The following DHX35 variants were observed in gnomAD, a reference collection of about 807,000 sequenced individuals.
DHX35 encodes the protein DEAH-box helicase 35, also known as probable ATP-dependent RNA helicase DHX35.
Under a neutral mutation model 99.6 loss-of-function variants are expected in DHX35, and 84 were observed. The ratio of observed to expected loss-of-function variants is 0.84; its 90% confidence interval spans 0.71 to 1.01. The LOEUF is 1.01. Ranked by LOEUF, DHX35 falls within the 50% of genes least tolerant of loss-of-function variation. The pLI is 0.00. For synonymous variants in DHX35, 331 were observed against 316.2 expected, an observed-to-expected ratio of 1.05 and a Z score of -0.50; for missense variants, 852 against 888.5, an observed-to-expected ratio of 0.96 and a Z score of 0.52.
chr20:39,027,078 C>A (rs148758671), intron 18 of DHX35, among the ~76,000 whole-genome samples: 1 of 152,186 alleles, frequency 6.6e-6, no homozygotes, highest in East Asian at 1.9e-4. Flanking sequence ...CTCCCCTCCC[C>A]CTGCCTCCAA....
intron 18 of DHX35, among the ~76,000 whole-genome samples, chr20:39,026,407 G>A (rs910820016): frequency 2.0e-5 from 3 of 152,134 alleles, no homozygotes; most frequent in Admixed American, 6.5e-5. Context: ...AAACAATGAC[G>A]GAGTCTTGGC....
At chr20:38,976,746 T>G (rs1194126150) in intron 3 of DHX35, among the ~76,000 whole-genome samples, 1 of 152,140 alleles carries the variant, frequency 6.6e-6, no homozygotes, top group African/African-American at 2.4e-5. Flanking sequence ...TTATTCTCCC[T>G]ACTCCCTGTT....
chr20:38,973,946 T>C (rs1368704099), intron 3 of DHX35, among the ~76,000 whole-genome samples: 1 of 152,258 alleles, frequency 6.6e-6, no homozygotes, highest in East Asian at 1.9e-4. Context: ...TTATTTTTCC[T>C]GTTGTTACTG....
chr20:39,030,796 A>G (rs1408204696), intron 20 of DHX35, 21 bp downstream of exon 20: 2 of 1,613,112 alleles, frequency 1.2e-6, no homozygotes, highest in Non-Finnish European at 1.7e-6. Flanking sequence ...CCTGCTGCTT[A>G]GCCTGTGCCT....
intron 1 of DHX35, among the ~76,000 whole-genome samples, chr20:38,965,554 C>T (rs2085898120): frequency 6.6e-6 from 1 of 151,960 alleles, no homozygotes; most frequent in Non-Finnish European, 1.5e-5. Context: ...CTTACATATG[C>T]TTTCTAAAAT....
At chr20:39,006,884 A>C (rs1290925887) in intron 12 of DHX35, among the ~76,000 whole-genome samples, 1 of 152,208 alleles carries the variant, frequency 6.6e-6, no homozygotes, top group Non-Finnish European at 1.5e-5. Context: ...AGGGAACAGA[A>C]GGCAATTTTA....
At chr20:38,983,660 T>G (rs2086206606) in intron 3 of DHX35, 39 bp from the exon 4 acceptor site, 19 of 1,567,074 alleles carry the variant, frequency 1.2e-5, no homozygotes, top group Non-Finnish European at 1.7e-5. Context: ...TCTGCAAAAG[T>G]GGTATCATAT....
At chr20:39,021,763 G>A (rs1325526109) in intron 15 of DHX35, 78 bp from the exon 16 acceptor site, 1 of 1,386,520 alleles carries the variant, frequency 7.2e-7, no homozygotes, top group Non-Finnish European at 1.0e-6. Flanking sequence ...TGTGGTGCAA[G>A]GAAAGTATCA....
intron 21 of DHX35, among the ~76,000 whole-genome samples, chr20:39,035,693 G>A (rs8122352): frequency 6.6e-6 from 1 of 152,106 alleles, no homozygotes; most frequent in African/African-American, 2.4e-5. Context: ...TAGTGACATC[G>A]CCAGGTGCCG....
intron 6 of DHX35, among the ~76,000 whole-genome samples, 169 bp downstream of exon 6, chr20:38,991,684 T>G (rs1568729546): frequency 6.6e-6 from 1 of 152,186 alleles, no homozygotes; most frequent in Non-Finnish European, 1.5e-5. Flanking sequence ...ATTTAAATAG[T>G]ATGGCCCTTT....
chr20:39,020,962 C>T (rs1016075331), intron 15 of DHX35, among the ~76,000 whole-genome samples: 2 of 152,082 alleles, frequency 1.3e-5, no homozygotes, highest in African/African-American at 2.4e-5. Flanking sequence ...CACACCTGGC[C>T]GAGAAACAGG....
chr20:39,002,036 T>G (rs777901591), intron 9 of DHX35, among the ~76,000 whole-genome samples, 194 bp downstream of exon 9: 1 of 152,204 alleles, frequency 6.6e-6, no homozygotes, highest in Non-Finnish European at 1.5e-5. Flanking sequence ...CACACTGACA[T>G]GCAAGTTTCC....
Position 38,975,549 on chromosome 20 carries a change from A to G in DHX35, c.267+2898A>G, listed in dbSNP as rs985160727. ...GTAGAGAGTAATGAGGTTATGGAATATAGAACAGAGGTAAAAGACCACATG... is the reference window on the plus strand; with the variant it reads ...GTAGAGAGTAATGAGGTTATGGAATGTAGAACAGAGGTAAAAGACCACATG... On this transcript the variant is annotated intron_variant, in intron 3 of 21. Coordinates refer to ENST00000252011, the MANE Select transcript of DHX35 (RefSeq NM_021931.4). Among the ~76,000 whole-genome samples the G allele has an allele frequency of 4.6e-5, 7 of 152,338 alleles. No individual in the cohort carries two copies. In the East Asian group the frequency reaches 1.2e-3, roughly 25 times the overall value.
intron 21 of DHX35, among the ~76,000 whole-genome samples, chr20:39,037,254 A>G (rs1313396195): frequency 2.0e-5 from 3 of 152,226 alleles, no homozygotes; most frequent in African/African-American, 7.2e-5. Flanking sequence ...AGCAAGACCT[A>G]CAGCTAGACA....
At chr20:38,989,265 GTTTT>G (rs59991063) in intron 5 of DHX35, among the ~76,000 whole-genome samples, 37 of 111,866 alleles carry the variant, frequency 3.3e-4, no homozygotes, top group East Asian at 1.0e-3. Context: ...ACCCGGCTAA[GTTTT>G]TTTTTTTTTT....
chr20:39,029,894 T>A (rs1055877898), intron 19 of DHX35: 1 of 152,140 alleles, frequency 6.6e-6, no homozygotes, highest in African/African-American at 2.4e-5. Flanking sequence ...TCACAGCACT[T>A]GAAGCACTTC....
intron 8 of DHX35, among the ~76,000 whole-genome samples, chr20:38,996,443 G>A (rs1165185897): frequency 6.6e-6 from 1 of 152,190 alleles, no homozygotes; most frequent in Non-Finnish European, 1.5e-5. Flanking sequence ...AAGCCTTAGA[G>A]GCTCAGCCAG....
At chr20:38,968,523 G>A (rs1293242253) in intron 1 of DHX35, among the ~76,000 whole-genome samples, 1 of 152,110 alleles carries the variant, frequency 6.6e-6, no homozygotes, top group Non-Finnish European at 1.5e-5. Flanking sequence ...CCAATTTGGA[G>A]CCCAGTGGGA....
rs543637992 is a variant in DHX35 at position 38,991,593 on chromosome 20, C to G, written c.512+78C>G. On this transcript the variant is annotated intron_variant, in intron 6 of 21. Coordinates refer to ENST00000252011, the MANE Select transcript of DHX35 (RefSeq NM_021931.4). Reference sequence around the variant, plus strand: ...GACGGAGAAGCAGGTGTGTTAGTAGCTGGGATTCACGTCTGTGTTCAGCTG... The same window carrying G: ...GACGGAGAAGCAGGTGTGTTAGTAGGTGGGATTCACGTCTGTGTTCAGCTG... The G allele has an allele frequency of 1.5e-5, 19 of 1,299,590 alleles. No individual in the cohort carries two copies. In the East Asian group the frequency reaches 4.5e-4, roughly 31 times the overall value. The allele number at this position is 1,299,590 out of a possible 1,614,324, so 80.5% of individuals were successfully genotyped here. A position where few individuals can be genotyped will look rare whatever the true frequency, so the allele number is the denominator to read the frequency against.
Sources: gnomAD v4.1 joint callset for allele counts (sites outside exome capture counted in the v4.1 genomes callset) on GRCh38, gnomAD v4.1.1 for gene constraint, MANE v1.5 for transcripts, NCBI Gene and HGNC (gene_info 2026-07-23, HGNC 2026-07-21) for gene names.